The following N4BP1 variants were observed in gnomAD, a reference collection of about 807,000 sequenced individuals.
N4BP1 encodes NEDD4-binding protein 1.
A neutral mutation model predicts 70.9 loss-of-function variants in N4BP1; 21 were observed. The observed-to-expected ratio is 0.30, with a 90% CI of 0.21 to 0.43. The LOEUF (loss-of-function observed/expected upper bound fraction) is 0.43. Ranked by LOEUF, N4BP1 falls within the 20% of genes least tolerant of loss-of-function variation. N4BP1 has a pLI of 1.00. For synonymous variants in N4BP1, 387 were observed against 394.6 expected, an observed-to-expected ratio of 0.98 and a Z score of 0.23; for missense variants, 936 against 1,069.4, an observed-to-expected ratio of 0.88 and a Z score of 1.74.
intron 1 of N4BP1, among the ~76,000 whole-genome samples, chr16:48,563,057 G>A (rs1453669870): frequency 6.6e-6 from 1 of 151,982 alleles, no homozygotes; most frequent in Non-Finnish European, 1.5e-5. Context: ...AAACCAGACT[G>A]TTAAATTAAA....
chr16:48,571,047 C>T (rs1309711951), intron 1 of N4BP1, among the ~76,000 whole-genome samples: 5 of 152,196 alleles, frequency 3.3e-5, no homozygotes, highest in African/African-American at 1.2e-4. Flanking sequence ...CTGCCTCGGC[C>T]TCCCAAAGTG....
At chr16:48,564,256 T>G (rs1963905234) in intron 1 of N4BP1, among the ~76,000 whole-genome samples, 1 of 152,224 alleles carries the variant, frequency 6.6e-6, no homozygotes, top group Non-Finnish European at 1.5e-5. Context: ...GATTTTATTC[T>G]TCACCAAGCC....
intron 1 of N4BP1, among the ~76,000 whole-genome samples, chr16:48,568,198 T>C (rs2151091539): frequency 6.6e-6 from 1 of 152,326 alleles, no homozygotes; most frequent in African/African-American, 2.4e-5. Context: ...TCAGCAAATG[T>C]AAGTAGTAAA....
intron 1 of N4BP1, among the ~76,000 whole-genome samples, chr16:48,593,919 T>C (rs771829471): frequency 3.1e-4 from 46 of 148,436 alleles, no homozygotes; most frequent in Admixed American, 5.4e-4. Flanking sequence ...AAAGAGTTGC[T>C]TGAAACCAGT....
At chr16:48,550,755 T>C (rs1414970834) in intron 4 of N4BP1, among the ~76,000 whole-genome samples, 4 of 151,106 alleles carry the variant, frequency 2.6e-5, no homozygotes, top group Admixed American at 2.6e-4. Flanking sequence ...CCTGCTAAAC[T>C]AAAAATACAA....
Position 48,543,105 on chromosome 16 carries a change from G to A in N4BP1, c.2490C>T (p.Phe830=), listed in dbSNP as rs757801125. 9.3e-6 allele frequency: 15 copies of A among 1,613,192 alleles called. No individual in the cohort carries two copies. The highest frequency in any genetic ancestry group is 4.0e-5 in the African/African-American group (3 of 74,924). The change falls in exon 7 of 7, where the codon TTC becomes TTT. Residue 830 remains phenylalanine, a synonymous_variant. Transcript: ENST00000262384. ...GACTGGGGAGGGCTGGCAGCAGTGGGAAGTGGGGCTGCTGAGGGAGCCAGT... is the reference window on the plus strand; with the variant it reads ...GACTGGGGAGGGCTGGCAGCAGTGGAAAGTGGGGCTGCTGAGGGAGCCAGT... ...SSHWLPQQPH[F]PLLPALPSLQ... is the part of the protein sequence containing the mutation.
intron 1 of N4BP1, among the ~76,000 whole-genome samples, chr16:48,566,476 G>A (rs969856421): frequency 4.6e-5 from 7 of 152,086 alleles, no homozygotes; most frequent in South Asian, 2.1e-4. Context: ...CCTTTGACTC[G>A]TAAATTTAGA....
chr16:48,590,277 A>G (rs1298279978), intron 1 of N4BP1, among the ~76,000 whole-genome samples: 2 of 151,970 alleles, frequency 1.3e-5, no homozygotes, highest in Non-Finnish European at 2.9e-5. Flanking sequence ...AACCTGACCA[A>G]TCAGCACTCC....
chr16:48,608,318 T>A (rs1308998141), intron 1 of N4BP1, among the ~76,000 whole-genome samples: 4 of 152,138 alleles, frequency 2.6e-5, no homozygotes, highest in Admixed American at 1.3e-4. Flanking sequence ...TGTTTTAAGT[T>A]AAGCTTTGAA....
At chr16:48,564,878 CAT>C (rs1264662015) in intron 1 of N4BP1, among the ~76,000 whole-genome samples, 15 of 152,122 alleles carry the variant, frequency 9.9e-5, no homozygotes, top group South Asian at 2.1e-4. Context: ...AAATCCTGTA[CAT>C]GTTTTGCTAG....
intron 1 of N4BP1, among the ~76,000 whole-genome samples, chr16:48,588,685 A>T (rs1266675781): frequency 1.3e-5 from 2 of 152,172 alleles, no homozygotes; most frequent in Admixed American, 1.3e-4. Flanking sequence ...CAATGATGGA[A>T]ATGTCCTACA....
At chr16:48,552,670 C>T (rs1294343407) in intron 3 of N4BP1, among the ~76,000 whole-genome samples, 1 of 127,862 alleles carries the variant, frequency 7.8e-6, no homozygotes, top group African/African-American at 3.0e-5. Flanking sequence ...TGCACTCCAG[C>T]CTGAGCGACA....
chr16:48,570,314 C>G (rs1963997909), intron 1 of N4BP1, among the ~76,000 whole-genome samples: 1 of 152,136 alleles, frequency 6.6e-6, no homozygotes, highest in Admixed American at 6.5e-5. Flanking sequence ...ATGAGGGGAA[C>G]AAATGGTAAA....
At chr16:48,591,886 G>GT (rs1555499240) in intron 1 of N4BP1, among the ~76,000 whole-genome samples, 27,283 of 111,956 alleles carry the variant, frequency 0.24, 3,291 homozygotes, top group East Asian at 0.68. Context: ...GTTACCTGAC[G>GT]TTTTTTTTTT....
At chr16:48,552,055 C>A (rs372348016) in intron 3 of N4BP1, among the ~76,000 whole-genome samples, 18 of 152,096 alleles carry the variant, frequency 1.2e-4, no homozygotes, top group African/African-American at 4.3e-4. Context: ...AAGTAGAGGA[C>A]AAAGAGAGGG....
chr16:48,607,955 G>A (rs1377531983), intron 1 of N4BP1, among the ~76,000 whole-genome samples: 2 of 152,142 alleles, frequency 1.3e-5, no homozygotes, highest in Non-Finnish European at 2.9e-5. Flanking sequence ...CCTGCCTTCC[G>A]GGTTCAAGCG....
chr16:48,549,708 C>T (rs1254072442), intron 4 of N4BP1, among the ~76,000 whole-genome samples: 3 of 152,200 alleles, frequency 2.0e-5, no homozygotes, highest in Non-Finnish European at 4.4e-5. Flanking sequence ...GGGCAAGGGA[C>T]TGTCAATGAG....
At position 48,575,748 on chromosome 16, in the gene N4BP1, A is replaced by G. The variant is rs116631688; in HGVS notation, c.199-13304T>C. ...GCACTGAGTGCTACCTGAAGAGCAC[A>G]CGAGAGCAAATGGCAATGGACAAAC... On this transcript the variant is annotated intron_variant, in intron 1 of 6. Transcript: ENST00000262384. 3.4e-3 allele frequency among the ~76,000 whole-genome samples: 517 copies of G among 152,362 alleles called. 2 individuals are homozygous for G. The highest frequency in any genetic ancestry group is 0.027 in the Middle Eastern group (8 of 294).
rs185036080 is a variant in N4BP1, at chr16:48,563,141, T to A, written c.199-697A>T. ...GATGTTGGTATTGAAATAAAAAATT[T>A]AAAAAAAAAAGTTTTCTTTTAATTT... On this transcript the variant is annotated intron_variant, in intron 1 of 6. Coordinates refer to ENST00000262384, the MANE Select transcript of N4BP1 (RefSeq NM_153029.4). Among the ~76,000 whole-genome samples, 753 of 149,110 alleles carry A rather than the reference T, an allele frequency of 5.0e-3. 13 individuals carry two copies. The highest frequency in any genetic ancestry group is 0.033 in the East Asian group (170 of 5,096).
Sources: allele counts gnomAD v4.1 joint callset (sites outside exome capture counted in the v4.1 genomes callset), GRCh38; gene constraint gnomAD v4.1.1; transcripts MANE v1.5; gene names NCBI Gene and HGNC (gene_info 2026-07-23, HGNC 2026-07-21).